CEP350: variants seen among roughly 807,000 people sequenced by gnomAD.
The protein encoded by CEP350 is centrosomal protein 350.
In CEP350, 126 loss-of-function variants were observed where a neutral mutation model predicts 331.8. The observed-to-expected ratio is 0.38, with a 90% CI of 0.33 to 0.44. CEP350 has a LOEUF of 0.44. Ranked by LOEUF, CEP350 falls within the 20% of genes least tolerant of loss-of-function variation. CEP350 has a pLI of 1.00. For missense variants in CEP350, 3,406 were observed against 3,634.6 expected, an observed-to-expected ratio of 0.94 and a Z score of 1.62; for synonymous variants, 1,200 against 1,259.5, an observed-to-expected ratio of 0.95 and a Z score of 1.00.
chr1:180,000,471 C>A, intron 6 of CEP350: 1 of 154,136 alleles, frequency 6.5e-6, no homozygotes, highest in South Asian at 1.9e-4. Context: ...TTTCTTCATT[C>A]TGTTCTTGTG....
intron 37 of CEP350, among the ~76,000 whole-genome samples, chr1:180,107,365 G>C (rs1286405288): frequency 6.6e-6 from 1 of 152,116 alleles, no homozygotes; most frequent in African/African-American, 2.4e-5. Flanking sequence ...GTTGAGAGCT[G>C]TCCTTTAATC....
At chr1:180,074,696 A>G (rs904116489) in intron 27 of CEP350, among the ~76,000 whole-genome samples, 1 of 128,200 alleles carries the variant, frequency 7.8e-6, no homozygotes, top group Non-Finnish European at 1.9e-5. Flanking sequence ...TATGGAAAAG[A>G]ATAACCTACA....
chr1:179,964,537 T>C (rs1157667305), intron 1 of CEP350, among the ~76,000 whole-genome samples: 2 of 152,102 alleles, frequency 1.3e-5, no homozygotes, highest in Non-Finnish European at 1.5e-5. Context: ...AGATTTGTTT[T>C]TATAACTGAT....
At position 179,959,073 on chromosome 1, in the gene CEP350, G is replaced by A. The variant is rs7340027; in HGVS notation, c.-14+3931G>A. Among the ~76,000 whole-genome samples, 647 of 151,934 alleles carry A rather than the reference G, an allele frequency of 4.3e-3. 5 individuals are homozygous for A. Among genetic ancestry groups the A allele is most frequent in the African/African-American group, 0.015 (615 of 41,426 alleles). ...TAAATTTTTTCTTCTATTAAATAGT[G>A]ATATAAATGTATTTTTGAATGTGAT... On this transcript the variant is annotated intron_variant, in intron 1 of 37. Transcript: ENST00000367607.
At chr1:179,972,390 T>G (rs1571795025) in intron 1 of CEP350, among the ~76,000 whole-genome samples, 2 of 152,116 alleles carry the variant, frequency 1.3e-5, no homozygotes, top group Non-Finnish European at 2.9e-5. Flanking sequence ...AGTGGGAAGA[T>G]GTATGTATTG....
intron 16 of CEP350, among the ~76,000 whole-genome samples, chr1:180,035,103 G>A (rs1288302528): frequency 6.6e-6 from 1 of 152,194 alleles, no homozygotes; most frequent in African/African-American, 2.4e-5. Flanking sequence ...TAGGGACCAA[G>A]ATAGAAGATC....
intron 26 of CEP350, among the ~76,000 whole-genome samples, chr1:180,062,940 A>G (rs781381863): frequency 6.6e-5 from 10 of 152,162 alleles, no homozygotes; most frequent in Non-Finnish European, 1.5e-5. Flanking sequence ...TTTTTTTCCT[A>G]TGGAATATTC....
Position 180,024,918 on chromosome 1 carries a change from T to C in CEP350, c.3550+336T>C, listed in dbSNP as rs148730642. On this transcript the variant is annotated intron_variant, in intron 14 of 37. Transcript: ENST00000367607. ...GTAAAATTATACACACACATGACTT[T>C]ATTTATTTACTTTTTTTTTTTTTTG... 3.5e-3 allele frequency among the ~76,000 whole-genome samples: 534 copies of C among 152,162 alleles called. 4 individuals are homozygous for C. The highest frequency in any genetic ancestry group is 7.0e-3 in the South Asian group (34 of 4,824).
chr1:179,980,842 G>T (rs1652227098), intron 1 of CEP350, among the ~76,000 whole-genome samples: 1 of 152,008 alleles, frequency 6.6e-6, no homozygotes, highest in Non-Finnish European at 1.5e-5. Flanking sequence ...ACAAGCAGTT[G>T]ATATGCAAGA....
At position 179,997,105 on chromosome 1, in the gene CEP350, T is replaced by C. The variant is rs1434085893; in HGVS notation, c.948T>C (p.Val316=). 4 of 1,613,872 alleles carry C rather than the reference T, an allele frequency of 2.5e-6. No individual in the cohort carries two copies. The African/African-American group carries it at 5.3e-5, about 22-fold the overall frequency. Reference sequence around the variant, plus strand: ...ATATTGACCATCCAGTAATGGTTGTTAATGTTGATAACTCAGTAACAGCAA... The same window carrying C: ...ATATTGACCATCCAGTAATGGTTGTCAATGTTGATAACTCAGTAACAGCAA... ...LGHIDHPVMV[V]NVDNSVTAKV... is the part of the protein sequence containing the mutation. The change falls in exon 6 of 38, where the codon GTT becomes GTC. Residue 316 remains valine (V), a synonymous_variant. Transcript: ENST00000367607.
Position 179,955,145 on chromosome 1 carries a change from G to A in CEP350, c.-14+3G>A, listed in dbSNP as rs572180003. ...GAGGGCGGAGGCGACACTCTCAGGTGAGCTCCTGTAGGACCTGGCTGGGAC... is the reference window on the plus strand; with the variant it reads ...GAGGGCGGAGGCGACACTCTCAGGTAAGCTCCTGTAGGACCTGGCTGGGAC... On this transcript the variant is annotated splice_donor_region_variant and intron_variant, in intron 1 of 37. Transcript: ENST00000367607. The A allele has an allele frequency of 2.8e-6, 4 of 1,454,518 alleles. No homozygotes were observed. In the East Asian group the frequency reaches 1.2e-4, roughly 45 times the overall value. 90.1% of individuals were successfully genotyped at this position (1,454,518 alleles called of 1,614,324 possible).
At chr1:179,994,003 T>G (rs1294372148) in intron 5 of CEP350, among the ~76,000 whole-genome samples, 1 of 152,224 alleles carries the variant, frequency 6.6e-6, no homozygotes, top group Non-Finnish European at 1.5e-5. Context: ...TGCCCATTAG[T>G]CTATCTAAGG....
intron 28 of CEP350, among the ~76,000 whole-genome samples, chr1:180,077,856 G>A (rs1378113802): frequency 1.3e-5 from 2 of 152,060 alleles, no homozygotes; most frequent in Non-Finnish European, 2.9e-5. Context: ...ATATGAGGCT[G>A]GGCATGGTGG....
chr1:179,968,005 G>A (rs986490477), intron 1 of CEP350, among the ~76,000 whole-genome samples: 2 of 152,104 alleles, frequency 1.3e-5, no homozygotes, highest in East Asian at 1.9e-4. Context: ...AGCACTCAAT[G>A]TGGCTATATA....
At chr1:180,106,765 A>G (rs1572011596) in intron 37 of CEP350, among the ~76,000 whole-genome samples, 1 of 148,708 alleles carries the variant, frequency 6.7e-6, no homozygotes, top group African/African-American at 2.5e-5. Flanking sequence ...CATTCAACCT[A>G]TTTTTTTCTA....
At chr1:180,099,165 G>T (rs1660653843) in intron 37 of CEP350, among the ~76,000 whole-genome samples, 180 bp downstream of exon 37, 1 of 152,130 alleles carries the variant, frequency 6.6e-6, no homozygotes, top group African/African-American at 2.4e-5. Context: ...TTTGTACTCA[G>T]TAGATGAACA....
At chr1:180,083,517 G>T in intron 30 of CEP350, among the ~76,000 whole-genome samples, 1 of 150,926 alleles carries the variant, frequency 6.6e-6, no homozygotes, top group East Asian at 1.9e-4. Flanking sequence ...TTTTAATGTG[G>T]TATTAAGCCA....
chr1:180,042,878 A>G (rs1238316033), intron 19 of CEP350, among the ~76,000 whole-genome samples, 178 bp from the exon 20 acceptor site: 2 of 152,214 alleles, frequency 1.3e-5, no homozygotes, highest in Admixed American at 1.3e-4. Context: ...TTTTTATAAG[A>G]TGAAGCTGTT....
At chr1:180,090,645 A>G (rs919015909) in intron 32 of CEP350, 69 bp from the exon 33 acceptor site, 2 of 1,389,382 alleles carry the variant, frequency 1.4e-6, no homozygotes, top group African/African-American at 2.9e-5. Context: ...TTGTCTAAGA[A>G]TGTCTGCTTT....
Sources: gnomAD v4.1 joint callset for allele counts (sites outside exome capture counted in the v4.1 genomes callset) on GRCh38, gnomAD v4.1.1 for gene constraint, MANE v1.5 for transcripts, NCBI Gene and HGNC (gene_info 2026-07-23, HGNC 2026-07-21) for gene names.